Variants in ARHGEF4 observed in about 807,000 individuals in gnomAD.
The protein encoded by ARHGEF4 is APC-stimulated guanine nucleotide exchange factor 1.
Under a neutral mutation model 162.0 loss-of-function variants are expected in ARHGEF4, and 119 were observed. That is an observed-to-expected ratio of 0.73 (90% CI 0.63 to 0.86). The LOEUF (loss-of-function observed/expected upper bound fraction) is 0.86, where lower values mean the gene tolerates loss of function less well. Ranked by LOEUF, ARHGEF4 falls within the 40% of genes least tolerant of loss-of-function variation. The pLI, the probability that ARHGEF4 is intolerant of heterozygous loss-of-function variation, is 0.00. For missense variants in ARHGEF4, 2,488 were observed against 2,456.0 expected (o/e 1.01, Z -0.28); for synonymous variants, 1,014 against 979.9 (o/e 1.03, Z -0.65).
chr2:130,866,308 C>T (rs1209592054), intron 1 of ARHGEF4, among the ~76,000 whole-genome samples: 7 of 152,100 alleles, frequency 4.6e-5, no homozygotes, highest in South Asian at 2.1e-4. Flanking sequence ...TGCTTGAACC[C>T]GGGAAGCAGA....
At chr2:130,993,113 G>A (rs978382328) in intron 4 of ARHGEF4, among the ~76,000 whole-genome samples, 1 of 152,170 alleles carries the variant, frequency 6.6e-6, no homozygotes, top group South Asian at 2.1e-4. Context: ...AGACATCAAG[G>A]CTGCTCTCTT....
chr2:130,844,309 A>G (rs564540886), intron 1 of ARHGEF4, among the ~76,000 whole-genome samples: 16 of 152,286 alleles, frequency 1.1e-4, no homozygotes, highest in African/African-American at 3.4e-4. Flanking sequence ...GGGACCCTCC[A>G]CAGACGGGGA....
At chr2:131,035,714 A>G (rs1286610720) in intron 5 of ARHGEF4, 3 of 985,440 alleles carry the variant, frequency 3.0e-6, no homozygotes, top group Non-Finnish European at 3.6e-6. Flanking sequence ...GCCTTAAAAT[A>G]CGTGGTGTCA....
intron 6 of ARHGEF4, chr2:131,039,283 C>A: frequency 7.8e-7 from 1 of 1,275,854 alleles, no homozygotes. Context: ...ACACTAGGCA[C>A]CCCTCTGCGA....
intron 1 of ARHGEF4, among the ~76,000 whole-genome samples, chr2:130,887,226 G>A (rs1287033020): frequency 6.6e-6 from 1 of 151,910 alleles, no homozygotes; most frequent in African/African-American, 2.4e-5. Context: ...AGCTACTTGG[G>A]AGGCTGAGGC....
Position 130,931,145 on chromosome 2 carries a change from C to G in ARHGEF4, c.3746C>G (p.Pro1249Arg). ...CCTAGGGGCATCCCTCACCGCTCGC[C>G]CGTCAGTGTGGATGACCTGTGGCTG... The part of the protein sequence containing the change: ...SQPRGIPHRS[P>R]VSVDDLWLEK... Residue 1249 changes from proline (P) to arginine (R), a missense_variant, in exon 3 of 14, where the codon CCC (proline) becomes CGC (arginine). Pro to Arg is a moderately radical substitution (Grantham distance 103, BLOSUM62 -2). Coordinates refer to ENST00000409359, the MANE Select transcript of ARHGEF4 (RefSeq NM_001367493.1). 1 of 1,614,204 alleles carries G rather than the reference C, an allele frequency of 6.2e-7. No individual in the cohort carries two copies. Among genetic ancestry groups the G allele is most frequent in the South Asian group, 1.1e-5 (1 of 91,070 alleles).
chr2:130,967,276 C>T (rs756392991), intron 4 of ARHGEF4, among the ~76,000 whole-genome samples: 4 of 152,170 alleles, frequency 2.6e-5, no homozygotes, highest in Admixed American at 2.0e-4. Context: ...AGGCATAATC[C>T]GAACACGAAA....
intron 4 of ARHGEF4, among the ~76,000 whole-genome samples, chr2:131,016,017 G>A (rs954190481): frequency 6.6e-6 from 1 of 152,104 alleles, no homozygotes; most frequent in South Asian, 2.1e-4. Flanking sequence ...GGGCTCCCCG[G>A]GAGCCTCACC....
chr2:130,875,808 C>A lies in ARHGEF4; in HGVS notation c.40-38178C>A, dbSNP rs567118614. 9.4e-4 allele frequency among the ~76,000 whole-genome samples: 143 copies of A among 152,270 alleles called. 3 individuals carry two copies. The highest frequency in any genetic ancestry group is 3.3e-3 in the African/African-American group (136 of 41,552). On this transcript the variant is annotated intron_variant, in intron 1 of 13. Coordinates refer to ENST00000409359, the MANE Select transcript of ARHGEF4 (RefSeq NM_001367493.1). ...TCATTTCTCTCCCTCCCGGCTCCCACACTTGCTTCTGGGCAGCCTCCTAAC... is the reference window on the plus strand; with the variant it reads ...TCATTTCTCTCCCTCCCGGCTCCCAAACTTGCTTCTGGGCAGCCTCCTAAC...
At chr2:130,982,482 T>C (rs1686182641) in intron 4 of ARHGEF4, among the ~76,000 whole-genome samples, 1 of 152,170 alleles carries the variant, frequency 6.6e-6, no homozygotes, top group Non-Finnish European at 1.5e-5. Flanking sequence ...AAAAATTACA[T>C]GTGACTTACA....
At chr2:130,848,949 C>T (rs1574091708) in intron 1 of ARHGEF4, among the ~76,000 whole-genome samples, 2 of 152,168 alleles carry the variant, frequency 1.3e-5, no homozygotes, top group African/African-American at 4.8e-5. Context: ...TAAGCGGGCC[C>T]TGGGCACCTC....
intron 1 of ARHGEF4, among the ~76,000 whole-genome samples, chr2:130,909,547 G>A (rs538721391): frequency 5.9e-5 from 9 of 152,128 alleles, no homozygotes; most frequent in South Asian, 4.1e-4. Flanking sequence ...AGAGATCAAC[G>A]GTCATCATAT....
chr2:130,897,499 C>A (rs1490467861), intron 1 of ARHGEF4, among the ~76,000 whole-genome samples: 1 of 152,128 alleles, frequency 6.6e-6, no homozygotes, highest in East Asian at 1.9e-4. Flanking sequence ...TGGGGCCTGG[C>A]GGGACACCAG....
chr2:131,032,848 CTTT>C (rs111971610), intron 5 of ARHGEF4, among the ~76,000 whole-genome samples: 8 of 128,594 alleles, frequency 6.2e-5, no homozygotes, highest in Non-Finnish European at 1.1e-4. Context: ...TTTCTTTTTT[CTTT>C]TTTTTTTTTT....
chr2:131,035,115 G>A (rs1690150685), intron 5 of ARHGEF4: 1 of 1,141,144 alleles, frequency 8.8e-7, no homozygotes, highest in Non-Finnish European at 1.1e-6. Context: ...CGCAGCCCCG[G>A]CGCGGCCCCG....
At chr2:131,043,116 T>TAAA (rs57898912) in intron 10 of ARHGEF4, among the ~76,000 whole-genome samples, 6 of 142,322 alleles carry the variant, frequency 4.2e-5, no homozygotes, top group African/African-American at 1.5e-4. Flanking sequence ...TGTGATCAAC[T>TAAA]ATCATTAATG....
In ARHGEF4 at chr2:130,854,846, TTTTA is replaced by T. The variant is rs58855269; in HGVS notation, c.39+17894_39+17897del. On this transcript the variant is annotated intron_variant, in intron 1 of 13. Transcript: ENST00000409359. The stretch of plus-strand genomic sequence containing the variant: ...TGCAGCTTTGCTGGAGGAGTCTGAC[TTTTA>T]TTTATTTATTTATTTATTTATTTAT... Among the ~76,000 whole-genome samples, 654 of 140,306 alleles carry T rather than the reference TTTTA, an allele frequency of 4.7e-3. 1 individual carries two copies. Among genetic ancestry groups the T allele is most frequent in the African/African-American group, 7.5e-3 (284 of 37,878 alleles). The allele number at this position is 140,306 out of a possible 152,430, so 92.0% of individuals were successfully genotyped here.
intron 1 of ARHGEF4, among the ~76,000 whole-genome samples, chr2:130,838,006 T>C (rs1680326626): frequency 6.6e-6 from 1 of 152,232 alleles, no homozygotes; most frequent in African/African-American, 2.4e-5. Flanking sequence ...GCAGGAGCCC[T>C]GCCCTCAGCC....
At chr2:130,952,079 T>C (rs1267843797) in intron 4 of ARHGEF4, among the ~76,000 whole-genome samples, 1 of 152,222 alleles carries the variant, frequency 6.6e-6, no homozygotes, top group Non-Finnish European at 1.5e-5. Context: ...ATAAGAATAG[T>C]GTTTTTTATA....
Sources: gnomAD v4.1 joint callset for allele counts (sites outside exome capture counted in the v4.1 genomes callset) on GRCh38, gnomAD v4.1.1 for gene constraint, MANE v1.5 for transcripts, NCBI Gene and HGNC (gene_info 2026-07-23, HGNC 2026-07-21) for gene names.